The following ZNF676 variants were observed in gnomAD, a reference collection of about 807,000 sequenced individuals.
ZNF676 encodes zinc finger protein 676.
In ZNF676, 4 loss-of-function variants were observed where a neutral mutation model predicts 6.0. The observed-to-expected ratio is 0.67, with a 90% confidence interval of 0.33 to 1.53. ZNF676 has a LOEUF of 1.53. Ranked by LOEUF, ZNF676 falls within the 40% of genes most tolerant of loss-of-function variation. The probability of loss-of-function intolerance (pLI) is 0.06; values close to 1 mark genes in which losing one functional copy is unlikely to be tolerated. For synonymous variants in ZNF676, 198 were observed against 223.1 expected (o/e 0.89, Z 1.00); for missense variants, 644 against 679.7 (o/e 0.95, Z 0.58).
chr19:22,215,548 G>A, intron 1 of ZNF676: 1 of 1,508,116 alleles, frequency 6.6e-7, no homozygotes, highest in Admixed American at 1.7e-5. Context: ...ACTGCGGGTA[G>A]GCTTGAGTCC....
At chr19:22,211,912 C>T (rs2024132231) in intron 1 of ZNF676, among the ~76,000 whole-genome samples, 1 of 152,050 alleles carries the variant, frequency 6.6e-6, no homozygotes, top group Admixed American at 6.6e-5. Flanking sequence ...AAAAAGCACA[C>T]CTGAGGGCAG....
At chr19:22,216,215 A>C (rs2024187911), upstream of ZNF676, among the ~76,000 whole-genome samples, 1 of 152,182 alleles carries the variant, frequency 6.6e-6, no homozygotes, top group Non-Finnish European at 1.5e-5. Flanking sequence ...CGGGTGGATC[A>C]CCGGAGGTCA....
upstream of ZNF676, among the ~76,000 whole-genome samples, chr19:22,217,049 T>C (rs2024199623): frequency 6.6e-6 from 1 of 152,004 alleles, no homozygotes; most frequent in African/African-American, 2.4e-5. Context: ...TAGTATTTGG[T>C]TACATGGATA....
At chr19:22,235,016 GAAA>G in the ZNF676 span, among the ~76,000 whole-genome samples, 1 of 78,786 alleles carries the variant, frequency 1.3e-5, no homozygotes, top group East Asian at 3.4e-4. Flanking sequence ...AAGAAAGAAA[GAAA>G]GAAAGAAAGA....
In ZNF676 at chr19:22,180,252, A is replaced by C; in HGVS notation, c.1465T>G (p.Phe489Val). ...ATCTTATGTTTAGTAAGGATTGAGA[A>C]CGTACTAAAGCCTTTGCCACATTCT... is the stretch of plus-strand genomic sequence containing the variant. ...CEECGKGFSTFSILTKHKIIH... is the reference protein window; with the variant it reads ...CEECGKGFSTVSILTKHKIIH... The change falls in exon 3 of 3, where the codon TTC (phenylalanine) becomes GTC (valine). Residue 489 changes from phenylalanine to valine, a missense_variant. Phe to Val is a conservative substitution (Grantham distance 50). This residue lies in a region of ZNF676 where 306 missense variants were observed against 265.4 expected (regional missense o/e 1.15). Coordinates refer to ENST00000397121, the MANE Select transcript of ZNF676 (RefSeq NM_001001411.3). 2 of 1,613,586 alleles carry C rather than the reference A, an allele frequency of 1.2e-6. No individual in the cohort carries two copies. The highest frequency in any genetic ancestry group is 1.1e-5 in the South Asian group (1 of 91,048).
the ZNF676 span, among the ~76,000 whole-genome samples, chr19:22,231,419 T>C: frequency 1.3e-5 from 2 of 151,518 alleles, no homozygotes; most frequent in East Asian, 3.9e-4. Context: ...TTCAGAGACA[T>C]ACATTTAATA....
At chr19:22,210,498 T>C (rs996401014) in intron 1 of ZNF676, among the ~76,000 whole-genome samples, 1 of 152,020 alleles carries the variant, frequency 6.6e-6, no homozygotes, top group African/African-American at 2.4e-5. Flanking sequence ...AAATAAAATA[T>C]ACAACCCCCA....
At chr19:22,181,631 AG>A in intron 2 of ZNF676, 45 bp from the exon 3 acceptor site, 1 of 1,392,002 alleles carries the variant, frequency 7.2e-7, no homozygotes, top group Non-Finnish European at 9.5e-7. Flanking sequence ...TATTAGACTC[AG>A]ATAAGTACAG....
Position 22,193,061 on chromosome 19 carries a change from C to G in ZNF676, c.85G>C (p.Glu29Gln), listed in dbSNP as rs2023929023. Reference sequence around the variant, plus strand: ...TCATGTCTCTTCATATTCCAGGGCTCTTTTCCTTGCTCCAGAAAAATGATC... The same window carrying G: ...TCATGTCTCTTCATATTCCAGGGCTGTTTTCCTTGCTCCAGAAAAATGATC... ...DLIIFLEQGK[E>Q]PWNMKRHEMV... The change falls in exon 2 of 3, where the codon GAG (glutamate) becomes CAG (glutamine). Residue 29 changes from glutamate (E) to glutamine (Q), a missense_variant. Glu to Gln is a conservative substitution (Grantham distance 29). Coordinates refer to ENST00000397121, the MANE Select transcript of ZNF676 (RefSeq NM_001001411.3). The G allele has an allele frequency of 6.2e-7, 1 of 1,610,310 alleles. No individual in the cohort carries two copies. The highest frequency in any genetic ancestry group is 1.3e-5 in the African/African-American group (1 of 74,466).
the ZNF676 span, among the ~76,000 whole-genome samples, chr19:22,232,805 T>C: frequency 5.9e-5 from 9 of 152,142 alleles, no homozygotes; most frequent in African/African-American, 2.2e-4. Context: ...ATTAACACAC[T>C]ATGAGCATGC....
chr19:22,235,121 CAGGAAGGAAGGA>C, the ZNF676 span, among the ~76,000 whole-genome samples: 38 of 131,796 alleles, frequency 2.9e-4, no homozygotes, highest in South Asian at 2.3e-3. Context: ...GGCAGGAAGG[CAGGAAGGAAGGA>C]AGGAAGGAAG....
upstream of ZNF676, among the ~76,000 whole-genome samples, chr19:22,200,515 A>ACTTTTTTT (rs771651950): frequency 1.9e-5 from 2 of 105,850 alleles, no homozygotes; most frequent in South Asian, 3.4e-4. Context: ...TGCTTCATCA[A>ACTTTTTTT]TTTTTTTTTT....
At chr19:22,235,093 G>A in the ZNF676 span, among the ~76,000 whole-genome samples, 2 of 139,428 alleles carry the variant, frequency 1.4e-5, no homozygotes, top group African/African-American at 5.7e-5. Flanking sequence ...AGGAAGGCAG[G>A]AAGAAGGAAG....
At chr19:22,243,260 G>A in the ZNF676 span, 1 of 151,934 alleles carries the variant, frequency 6.6e-6, no homozygotes, top group East Asian at 1.9e-4. Context: ...ATAGCACTGT[G>A]TAAAAATGCT....
At chr19:22,221,339 T>A in the ZNF676 span, among the ~76,000 whole-genome samples, 19 of 152,230 alleles carry the variant, frequency 1.2e-4, no homozygotes, top group Non-Finnish European at 2.8e-4. Context: ...CAATTATTCA[T>A]GAGCAGTTTA....
the ZNF676 span, chr19:22,244,994 G>A: frequency 1.3e-5 from 2 of 152,218 alleles, no homozygotes; most frequent in African/African-American, 4.8e-5. Flanking sequence ...GTTGGACCAA[G>A]CCATATGTCA....
the ZNF676 span, among the ~76,000 whole-genome samples, chr19:22,235,001 AAAGAAAGAAAGAAAGAAAGAAAG>A: frequency 8.5e-6 from 1 of 118,314 alleles, no homozygotes. Context: ...AGAAAGAAAG[AAAGAAAGAAAGAAAGAAAGAAAG>A]AAAGAAAGAA....
chr19:22,196,838 A>T lies in ZNF676; in HGVS notation c.-205T>A. The T allele has an allele frequency of 1.0e-6, 1 of 969,512 alleles. No homozygotes were observed. The highest frequency in any genetic ancestry group is 1.6e-6 in the Non-Finnish European group (1 of 637,208). 60.1% of individuals were successfully genotyped at this position (969,512 alleles called of 1,614,324 possible). On this transcript the variant is annotated 5_prime_UTR_variant, in exon 1 of 3. Coordinates refer to ENST00000397121, the MANE Select transcript of ZNF676 (RefSeq NM_001001411.3). ...AGAGAGCTGGTTCTGACTTATATGA[A>T]TGACTGAAATTATTCAATAAAATAG...
At chr19:22,235,039 AAAG>A in the ZNF676 span, among the ~76,000 whole-genome samples, 3 of 151,412 alleles carry the variant, frequency 2.0e-5, no homozygotes, top group South Asian at 2.1e-4. Flanking sequence ...AAAGAAAAGA[AAAG>A]AAGGAAGGCA....
Sources: allele counts gnomAD v4.1 joint callset (sites outside exome capture counted in the v4.1 genomes callset), GRCh38; gene constraint gnomAD v4.1.1; regional missense constraint gnomAD v4.1.1; transcripts MANE v1.5; gene names NCBI Gene and HGNC (gene_info 2026-07-23, HGNC 2026-07-21).